The following EGFLAM variants were observed in gnomAD, a reference collection of about 807,000 sequenced individuals.
EGFLAM encodes the protein pikachurin.
Under a neutral mutation model 113.1 loss-of-function variants are expected in EGFLAM, and 79 were observed. The observed-to-expected ratio is 0.70, with a 90% CI of 0.58 to 0.84. The LOEUF is 0.84. Among genes scored for constraint, EGFLAM ranks in the 40% least tolerant of loss-of-function variants. The probability of loss-of-function intolerance (pLI) is 0.00; values close to 1 mark genes in which losing one functional copy is unlikely to be tolerated. For missense variants in EGFLAM, 1,265 were observed against 1,291.6 expected (o/e 0.98, Z 0.32); for synonymous variants, 504 against 487.6 (o/e 1.03, Z -0.44).
chr5:38,463,077 C>G, intron 21 of EGFLAM, 66 bp downstream of exon 21: 1 of 1,500,234 alleles, frequency 6.7e-7, no homozygotes, highest in Non-Finnish European at 9.2e-7. Context: ...CTTCCATTTG[C>G]TGTGCCGAGG....
intron 14 of EGFLAM, 132 bp downstream of exon 14, chr5:38,427,384 G>T (rs1269045932): frequency 3.5e-6 from 5 of 1,419,534 alleles, no homozygotes; most frequent in Non-Finnish European, 4.7e-6. Flanking sequence ...TCTGAAACTT[G>T]TCCTGACTTG....
At chr5:38,368,472 A>G (rs1049333871) in intron 5 of EGFLAM, among the ~76,000 whole-genome samples, 8 of 152,136 alleles carry the variant, frequency 5.3e-5, no homozygotes, top group African/African-American at 1.9e-4. Flanking sequence ...CTGGCTTTCA[A>G]TCATTCCTGC....
intron 1 of EGFLAM, among the ~76,000 whole-genome samples, chr5:38,312,176 G>A (rs998495585): frequency 2.0e-5 from 3 of 152,102 alleles, no homozygotes; most frequent in East Asian, 1.9e-4. Flanking sequence ...GGTTCAAATC[G>A]TGGTTCCATC....
intron 5 of EGFLAM, among the ~76,000 whole-genome samples, chr5:38,359,920 A>T (rs575290266): frequency 1.3e-5 from 2 of 152,196 alleles, no homozygotes; most frequent in South Asian, 4.2e-4. Flanking sequence ...TCATCTTCAC[A>T]CGGGGCTGCT....
chr5:38,280,824 C>T (rs1274410657), intron 1 of EGFLAM, among the ~76,000 whole-genome samples: 1 of 152,142 alleles, frequency 6.6e-6, no homozygotes, highest in African/African-American at 2.4e-5. Context: ...TAATACATGC[C>T]TATTTATATG....
chr5:38,391,600 T>C, intron 6 of EGFLAM, among the ~76,000 whole-genome samples: 1 of 151,668 alleles, frequency 6.6e-6, no homozygotes, highest in Non-Finnish European at 1.5e-5. Flanking sequence ...GGTTTCACCA[T>C]GTTGGCCAGG....
chr5:38,357,503 T>G (rs916547698), intron 5 of EGFLAM, among the ~76,000 whole-genome samples: 14 of 152,222 alleles, frequency 9.2e-5, no homozygotes, highest in Non-Finnish European at 2.1e-4. Context: ...AGTTATTTTA[T>G]TTTCCCCAGA....
intron 5 of EGFLAM, among the ~76,000 whole-genome samples, chr5:38,368,384 T>C (rs1033236688): frequency 3.9e-5 from 6 of 152,190 alleles, no homozygotes; most frequent in Non-Finnish European, 7.4e-5. Flanking sequence ...TGAACTGTGC[T>C]TTTCCAAACA....
intron 1 of EGFLAM, among the ~76,000 whole-genome samples, chr5:38,295,407 T>C (rs1758429002): frequency 6.6e-6 from 1 of 152,232 alleles, no homozygotes; most frequent in Admixed American, 6.5e-5. Flanking sequence ...TTTTACATAA[T>C]ATATTTAAAA....
chr5:38,311,614 AT>A (rs1260030579), intron 1 of EGFLAM, among the ~76,000 whole-genome samples: 2 of 152,012 alleles, frequency 1.3e-5, no homozygotes, highest in African/African-American at 4.8e-5. Flanking sequence ...TGTTTTTTGC[AT>A]TTTTTTCGTT....
chr5:38,415,051 A>G (rs1741596762), intron 11 of EGFLAM, among the ~76,000 whole-genome samples: 1 of 152,216 alleles, frequency 6.6e-6, no homozygotes, highest in Admixed American at 6.5e-5. Context: ...TCAAGATTCT[A>G]TGATTTTAAT....
At chr5:38,454,530 TGA>T (rs1230675486) in intron 19 of EGFLAM, among the ~76,000 whole-genome samples, 3 of 152,250 alleles carry the variant, frequency 2.0e-5, no homozygotes, top group African/African-American at 7.2e-5. Context: ...AAGCATTTTC[TGA>T]GTCTTAGAAG....
At chr5:38,325,096 C>G (rs1738844552) in intron 1 of EGFLAM, among the ~76,000 whole-genome samples, 2 of 152,204 alleles carry the variant, frequency 1.3e-5, no homozygotes, top group South Asian at 4.2e-4. Context: ...GCGGGAGCCA[C>G]AGGATATATG....
chr5:38,420,035 A>G (rs960157712), intron 12 of EGFLAM, among the ~76,000 whole-genome samples: 12 of 152,302 alleles, frequency 7.9e-5, no homozygotes, highest in Admixed American at 7.8e-4. Flanking sequence ...AAAAAACAAA[A>G]AACAAAAAAC....
At chr5:38,293,713 T>C (rs541133689) in intron 1 of EGFLAM, among the ~76,000 whole-genome samples, 7 of 152,358 alleles carry the variant, frequency 4.6e-5, no homozygotes, top group Admixed American at 4.6e-4. Flanking sequence ...AACATTACTC[T>C]TGAAAATCTT....
chr5:38,370,183 T>C, intron 5 of EGFLAM, 113 bp from the exon 6 acceptor site: 1 of 1,096,288 alleles, frequency 9.1e-7, no homozygotes, highest in South Asian at 1.7e-5. Context: ...TTAACTTACT[T>C]TTACAAGTAT....
At chr5:38,319,473 G>A (rs1274220659) in intron 1 of EGFLAM, among the ~76,000 whole-genome samples, 4 of 152,158 alleles carry the variant, frequency 2.6e-5, no homozygotes, top group Admixed American at 6.5e-5. Flanking sequence ...ATTCAGGGTC[G>A]GAAACTGTTG....
chr5:38,412,535 G>GTT lies in EGFLAM; in HGVS notation c.1382_1383insTT (p.Ser462Ter). 1 of 1,614,080 alleles carries GTT rather than the reference G, an allele frequency of 6.2e-7. No individual in the cohort carries two copies. Among genetic ancestry groups the GTT allele is most frequent in the South Asian group, 1.1e-5 (1 of 91,076 alleles). On this transcript the variant is annotated frameshift_variant, in exon 11 of 22. Coordinates refer to ENST00000322350, the MANE Select transcript of EGFLAM (RefSeq NM_152403.4). LOFTEE classifies it high-confidence loss of function. ...TTGTGGAACTGGGGTTGCCATCATC[G>GTT]TAAGTGAGACCAAAATCAAACTAGG...
At chr5:38,286,428 T>C (rs890674382) in intron 1 of EGFLAM, 1 of 152,238 alleles carries the variant, frequency 6.6e-6, no homozygotes, top group African/African-American at 2.4e-5. Context: ...TTACATCTTA[T>C]AGTCGATTCC....
Sources: gnomAD v4.1 joint callset for allele counts (sites outside exome capture counted in the v4.1 genomes callset) on GRCh38, gnomAD v4.1.1 for gene constraint, MANE v1.5 for transcripts, NCBI Gene and HGNC (gene_info 2026-07-23, HGNC 2026-07-21) for gene names.